KCNQ1: variants seen among roughly 807,000 people sequenced by gnomAD.
The protein encoded by KCNQ1 is potassium voltage-gated channel subfamily Q member 1.
KCNQ1 carries 49 observed loss-of-function variants against 72.4 expected under a neutral mutation model. That is an observed-to-expected ratio of 0.68 (90% confidence interval 0.54 to 0.86). The LOEUF is 0.86. Ranked by LOEUF, KCNQ1 falls within the 40% of genes least tolerant of loss-of-function variation. KCNQ1 has a pLI of 0.00. For synonymous variants in KCNQ1, 450 were observed against 412.6 expected (o/e 1.09, Z -1.10); for missense variants, 790 against 945.1 (o/e 0.84, Z 2.15).
At chr11:2,646,791 C>G (rs946446780) in intron 10 of KCNQ1, 9 of 398,510 alleles carry the variant, frequency 2.3e-5, no homozygotes, top group African/African-American at 1.9e-4. Context: ...GCTGAAATTA[C>G]AAGCATGAGC....
chr11:2,567,805 T>C lies in KCNQ1; in HGVS notation c.478-2823T>C, dbSNP rs1324993511. 6.6e-6 allele frequency among the ~76,000 whole-genome samples: 1 copy of C among 152,212 alleles called. No homozygotes were observed. Among genetic ancestry groups the C allele is most frequent in the Non-Finnish European group, 1.5e-5 (1 of 68,036 alleles). ...CCTGCCATCTTCGAAGGCCAGCCCC[T>C]AAACAGGTTCCCTGAGTGTTAGGTC... On this transcript the variant is annotated intron_variant, in intron 2 of 15. Transcript: ENST00000155840. This position sits in a 1 kb window ranked among gnomAD's most constrained non-coding sequence, Gnocchi z 6.6.
rs58284663 is a variant in KCNQ1, at chr11:2,756,951, T to TAAAAA, written c.1515-11867_1515-11863dup. 2.2e-3 allele frequency among the ~76,000 whole-genome samples: 110 copies of TAAAAA among 50,986 alleles called. 12 individuals carry two copies. The highest frequency in any genetic ancestry group is 5.1e-3 in the African/African-American group (76 of 14,980). 33.4% of individuals were successfully genotyped at this position (50,986 alleles called of 152,430 possible). A position where few individuals can be genotyped will look rare whatever the true frequency, so the allele number is the denominator to read the frequency against. ...TTTCCCAACTTGATCAAGAGCATCTTAAAAAAAAAAAAAAAAAAAAAAAAA... is the reference window on the plus strand; with the variant it reads ...TTTCCCAACTTGATCAAGAGCATCTTAAAAAAAAAAAAAAAAAAAAAAAAAAAAAA... On this transcript the variant is annotated intron_variant, in intron 11 of 15. Transcript: ENST00000155840.
At position 2,450,578 on chromosome 11, in the gene KCNQ1, C is replaced by T. The variant is rs1236223279; in HGVS notation, c.386+5094C>T. ...GTGGGTCACTCCAGCCCCGGATGCT[C>T]CTACACCATGCTCTGCTTGCATCTG... On this transcript the variant is annotated intron_variant, in intron 1 of 15. Transcript: ENST00000155840. This position sits in a 1 kb window ranked among gnomAD's most constrained non-coding sequence, Gnocchi z 7.9. Among the ~76,000 whole-genome samples the T allele has an allele frequency of 1.3e-5, 2 of 152,026 alleles. No individual in the cohort carries two copies. The highest frequency in any genetic ancestry group is 2.9e-5 in the Non-Finnish European group (2 of 68,002).
At chr11:2,528,767 G>T (rs1027724077) in intron 2 of KCNQ1, among the ~76,000 whole-genome samples, 1 of 152,356 alleles carries the variant, frequency 6.6e-6, no homozygotes, top group East Asian at 1.9e-4. Flanking sequence ...AGAGTGTCAC[G>T]ACTCAGCTCC....
intron 11 of KCNQ1, among the ~76,000 whole-genome samples, chr11:2,718,853 G>A (rs1053625482): frequency 6.6e-6 from 1 of 152,336 alleles, no homozygotes; most frequent in East Asian, 1.9e-4. Context: ...GGCATCCCGG[G>A]TCATTACTGG....
rs1222350835 is a variant in KCNQ1 at position 2,458,852 on chromosome 11, A to G, written c.386+13368A>G. Among the ~76,000 whole-genome samples, 2 of 152,250 alleles carry G rather than the reference A, an allele frequency of 1.3e-5. No homozygotes were observed. Among genetic ancestry groups the G allele is most frequent in the Non-Finnish European group, 2.9e-5 (2 of 68,046 alleles). ...GATTTCCTCAGTAAGTCAATGACCA[A>G]GAAATAACGGAGAGAAGGAGGAAAG... On this transcript the variant is annotated intron_variant, in intron 1 of 15. Transcript: ENST00000155840. This position sits in a 1 kb window ranked among gnomAD's most constrained non-coding sequence, Gnocchi z 4.6.
rs961938655 is a variant in KCNQ1, at chr11:2,698,581, C to T, written c.1514+36500C>T. On this transcript the variant is annotated intron_variant, in intron 11 of 15. Transcript: ENST00000155840. The surrounding 1 kb of genome is among the most constrained non-coding windows in gnomAD (Gnocchi z 5.1). Reference sequence around the variant, plus strand: ...CCTAATTCCTGACTCAGAATCCCCACCTAGAGGCAGAACTTCGACTTCAAT... The same window carrying T: ...CCTAATTCCTGACTCAGAATCCCCATCTAGAGGCAGAACTTCGACTTCAAT... 7.5e-6 allele frequency: 3 copies of T among 398,410 alleles called. No homozygotes were observed. The highest frequency in any genetic ancestry group is 4.4e-5 in the Admixed American group (1 of 22,708). 24.7% of individuals were successfully genotyped at this position (398,410 alleles called of 1,614,324 possible). A position where few individuals can be genotyped will look rare whatever the true frequency, so the allele number is the denominator to read the frequency against.
chr11:2,448,126 C>A (rs74048613), intron 1 of KCNQ1, among the ~76,000 whole-genome samples: 2,412 of 152,326 alleles, frequency 0.016, 65 homozygotes, highest in African/African-American at 0.055. Flanking sequence ...CTGCACCCAG[C>A]GGTCCTAGCT....
At position 2,824,050 on chromosome 11, in the gene KCNQ1, A is replaced by G. The variant is rs928980347; in HGVS notation, c.1795-23717A>G. Among the ~76,000 whole-genome samples the G allele has an allele frequency of 1.3e-5, 2 of 152,166 alleles. No homozygotes were observed. Among genetic ancestry groups the G allele is most frequent in the Non-Finnish European group, 2.9e-5 (2 of 68,022 alleles). On this transcript the variant is annotated intron_variant, in intron 15 of 15. Coordinates refer to ENST00000155840, the MANE Select transcript of KCNQ1 (RefSeq NM_000218.3). The surrounding 1 kb of genome is among the most constrained non-coding windows in gnomAD (Gnocchi z 5.9). The stretch of plus-strand genomic sequence containing the variant: ...AAGGCCTGGAGGCTTGTGCTTATCC[A>G]TCATATAGCAGGCCTGCCCTTTCCA...
Position 2,563,983 on chromosome 11 carries a change from G to A in KCNQ1, c.478-6645G>A, listed in dbSNP as rs952335323. 3.3e-5 allele frequency among the ~76,000 whole-genome samples: 5 copies of A among 152,220 alleles called. No homozygotes were observed. Among genetic ancestry groups the A allele is most frequent in the African/African-American group, 1.2e-4 (5 of 41,450 alleles). On this transcript the variant is annotated intron_variant, in intron 2 of 15. Transcript: ENST00000155840. This position sits in a 1 kb window ranked among gnomAD's most constrained non-coding sequence, Gnocchi z 7.4. ...TGCGGCAGATACTCGGGGCCGCTGG[G>A]TGGCCCTGAAGGCCCACAGAATCCT...
At chr11:2,639,093 G>A (rs1271034821) in intron 10 of KCNQ1, 1 of 151,840 alleles carries the variant, frequency 6.6e-6, no homozygotes, top group East Asian at 1.9e-4. Context: ...CTCTACACTG[G>A]TTATTCTAGT....
intron 14 of KCNQ1, chr11:2,777,647 C>T (rs1349242084): frequency 5.1e-6 from 3 of 590,080 alleles, no homozygotes; most frequent in African/African-American, 1.9e-5. Context: ...AGCCTGGAGT[C>T]AGGCCTGTGT....
At chr11:2,540,169 G>A (rs1359649906) in intron 2 of KCNQ1, among the ~76,000 whole-genome samples, 1 of 152,174 alleles carries the variant, frequency 6.6e-6, no homozygotes, top group African/African-American at 2.4e-5. Flanking sequence ...GAGGTAGCCT[G>A]AGGTCTCCTC....
rs1169784723 is a variant in KCNQ1 at position 2,723,803 on chromosome 11, A to G, written c.1515-45041A>G. On this transcript the variant is annotated intron_variant, in intron 11 of 15. Coordinates refer to ENST00000155840, the MANE Select transcript of KCNQ1 (RefSeq NM_000218.3). The surrounding 1 kb of genome is among the most constrained non-coding windows in gnomAD (Gnocchi z 4.2). ...CAGGGTTCCCAGCCACTCGGTGCAC[A>G]TGTACTCCAGCCTCTCTGTGTCCCA... is the stretch of plus-strand genomic sequence containing the variant. Among the ~76,000 whole-genome samples, 2 of 152,050 alleles carry G rather than the reference A, an allele frequency of 1.3e-5. No individual in the cohort carries two copies. Among genetic ancestry groups the G allele is most frequent in the African/African-American group, 2.4e-5 (1 of 41,378 alleles).
chr11:2,711,539 G>T lies in KCNQ1; in HGVS notation c.1514+49458G>T, dbSNP rs920966962. The stretch of plus-strand genomic sequence containing the variant: ...ATCTTCTCAACCTTGGGTGTCGCCT[G>T]CCCAGAACGGGGCTCTCGGAGGCCA... On this transcript the variant is annotated intron_variant, in intron 11 of 15. Coordinates refer to ENST00000155840, the MANE Select transcript of KCNQ1 (RefSeq NM_000218.3). This position sits in a 1 kb window ranked among gnomAD's most constrained non-coding sequence, Gnocchi z 5.4. 1.3e-5 allele frequency among the ~76,000 whole-genome samples: 2 copies of T among 152,206 alleles called. No homozygotes were observed. The highest frequency in any genetic ancestry group is 1.3e-4 in the Admixed American group (2 of 15,298).
rs1847127477 is a variant in KCNQ1 at position 2,507,688 on chromosome 11, G to A, written c.387-20240G>A. 1.3e-5 allele frequency among the ~76,000 whole-genome samples: 2 copies of A among 152,138 alleles called. No homozygotes were observed. The highest frequency in any genetic ancestry group is 2.9e-5 in the Non-Finnish European group (2 of 68,018). On this transcript the variant is annotated intron_variant, in intron 1 of 15. Transcript: ENST00000155840. The surrounding 1 kb of genome is among the most constrained non-coding windows in gnomAD (Gnocchi z 5.4). ...AAGACCTGCAGGTGGGAGCTCTGGG[G>A]AGAGAGTGCGGGCTGGGCTCACAAG...
In KCNQ1 at chr11:2,663,105, G is replaced by C; in HGVS notation, c.1514+1024G>C. 1 of 398,668 alleles carries C rather than the reference G, an allele frequency of 2.5e-6. No homozygotes were observed. Among genetic ancestry groups the C allele is most frequent in the Non-Finnish European group, 4.4e-6 (1 of 226,124 alleles). 24.7% of individuals were successfully genotyped at this position (398,668 alleles called of 1,614,324 possible). On this transcript the variant is annotated intron_variant, in intron 11 of 15. Coordinates refer to ENST00000155840, the MANE Select transcript of KCNQ1 (RefSeq NM_000218.3). The surrounding 1 kb of genome is among the most constrained non-coding windows in gnomAD (Gnocchi z 5.2). ...TGAGGCCACCTCCAGGGAAGGAGTG[G>C]CTATCTTAAGGGGTAATTATGATCA...
At chr11:2,570,894 G>T (rs963948956) in intron 3 of KCNQ1, 140 bp downstream of exon 3, 87 of 1,170,220 alleles carry the variant, frequency 7.4e-5, no homozygotes, top group Non-Finnish European at 1.1e-4. Flanking sequence ...CCAGGACCCA[G>T]CACAGGAGCA....
rs1846212872 is a variant in KCNQ1 at position 2,750,649 on chromosome 11, A to C, written c.1515-18195A>C. Among the ~76,000 whole-genome samples the C allele has an allele frequency of 2.0e-5, 3 of 152,180 alleles. No individual in the cohort carries two copies. Among genetic ancestry groups the C allele is most frequent in the Non-Finnish European group, 4.4e-5 (3 of 68,028 alleles). The stretch of plus-strand genomic sequence containing the variant: ...GTAAGAAGCCCATGTCATTCTTCTG[A>C]GACATTAGGGGTTTTCTCTCCCTTG... On this transcript the variant is annotated intron_variant, in intron 11 of 15. Transcript: ENST00000155840. This position sits in a 1 kb window ranked among gnomAD's most constrained non-coding sequence, Gnocchi z 6.3.
Sources: gnomAD v4.1 joint callset for allele counts (sites outside exome capture counted in the v4.1 genomes callset) on GRCh38, gnomAD v4.1.1 for gene constraint, Gnocchi (gnomAD v3.1) non-coding constraint, MANE v1.5 for transcripts, NCBI Gene and HGNC (gene_info 2026-07-23, HGNC 2026-07-21) for gene names.